C6orf141: variants seen among roughly 807,000 people sequenced by gnomAD.
C6orf141 encodes the protein uncharacterized protein C6orf141.
For missense variants in C6orf141, 361 were observed against 335.8 expected, an observed-to-expected ratio of 1.07 and a Z score of -0.59; for synonymous variants, 164 against 140.5, an observed-to-expected ratio of 1.17 and a Z score of -1.18.
chr6:49,556,939 A>G (rs947018856), downstream of C6orf141, among the ~76,000 whole-genome samples: 15 of 152,332 alleles, frequency 9.8e-5, no homozygotes, highest in Middle Eastern at 6.8e-3. Flanking sequence ...ACCAAATTCA[A>G]ACTTACATTT....
chr6:49,553,680 C>G (rs1374741995), downstream of C6orf141, among the ~76,000 whole-genome samples: 2 of 152,252 alleles, frequency 1.3e-5, no homozygotes, highest in Admixed American at 6.5e-5. Flanking sequence ...CTGGCTCTAC[C>G]TCTTTATTAA....
At position 49,551,238 on chromosome 6, in the gene C6orf141, G is replaced by C; in HGVS notation, c.446G>C (p.Arg149Pro). 6.4e-7 allele frequency: 1 copy of C among 1,551,604 alleles called. No individual in the cohort carries two copies. Among genetic ancestry groups the C allele is most frequent in the Middle Eastern group, 1.7e-4 (1 of 5,992 alleles). The change falls in exon 1 of 1, where the codon CGG (arginine) becomes CCG (proline). Residue 149 changes from arginine to proline, a missense_variant. Physicochemically the swap from Arg to Pro is moderately radical, Grantham distance 103. Coordinates refer to ENST00000529246, the MANE Select transcript of C6orf141 (RefSeq NM_001145652.2). ...TCTGGCAGGCGTGTAGCCCCGCCGC[G>C]GGACGCAGCAGACCCACCCAAATAC... ...RISGRRVAPPRDAADPPKYVL... is the reference protein window; with the variant it reads ...RISGRRVAPPPDAADPPKYVL...
At chr6:49,558,407 A>C (rs1383038659) in intron 4 of C6orf141, among the ~76,000 whole-genome samples, 1 of 141,170 alleles carries the variant, frequency 7.1e-6, no homozygotes, top group East Asian at 2.0e-4. Context: ...TGAGTTGGAA[A>C]AAAAAAAAAA....
At chr6:49,554,602 C>T (rs1443482595), downstream of C6orf141, among the ~76,000 whole-genome samples, 1 of 152,084 alleles carries the variant, frequency 6.6e-6, no homozygotes, top group African/African-American at 2.4e-5. Context: ...AGGATGATCT[C>T]GATCTCCTTG....
At chr6:49,555,550 C>T (rs1164993659), downstream of C6orf141, among the ~76,000 whole-genome samples, 2 of 135,426 alleles carry the variant, frequency 1.5e-5, no homozygotes, top group Admixed American at 1.7e-4. Flanking sequence ...GCTCTGTTGC[C>T]CAGGCTGGAG....
intron 4 of C6orf141, among the ~76,000 whole-genome samples, chr6:49,559,261 C>T (rs1772788146): frequency 7.8e-6 from 1 of 128,048 alleles, no homozygotes; most frequent in Non-Finnish European, 1.6e-5. Context: ...TTAGACCAAT[C>T]CTAAAGACAG....
intron 4 of C6orf141, among the ~76,000 whole-genome samples, chr6:49,561,129 T>A (rs140402290): frequency 6.6e-6 from 1 of 150,772 alleles, no homozygotes; most frequent in Non-Finnish European, 1.5e-5. Flanking sequence ...ACAGAGTCTT[T>A]CTCTGTCGCC....
downstream of C6orf141, among the ~76,000 whole-genome samples, chr6:49,556,250 C>T (rs1771912049): frequency 1.3e-5 from 2 of 152,164 alleles, no homozygotes; most frequent in Non-Finnish European, 2.9e-5. Flanking sequence ...CCTATTTTGT[C>T]ACTTACCAAA....
chr6:49,555,532 G>A (rs1440373259), downstream of C6orf141, among the ~76,000 whole-genome samples: 36 of 43,236 alleles, frequency 8.3e-4, no homozygotes, highest in African/African-American at 1.6e-3. Flanking sequence ...TTTTTGAGAC[G>A]GAGCCTCGCT....
intron 4 of C6orf141, among the ~76,000 whole-genome samples, chr6:49,558,843 G>A (rs927105855): frequency 2.6e-5 from 4 of 151,794 alleles, no homozygotes; most frequent in Non-Finnish European, 5.9e-5. Flanking sequence ...GAGTAGCTGG[G>A]ACTACAGGTG....
In C6orf141 at chr6:49,552,039, A is replaced by G. The variant is rs574482853; in HGVS notation, c.*512A>G. ...GACTCTCTTCTGATGTGCACTTTTCATTTTTCTCCCCCACATTTCAGTGTT... is the reference window on the plus strand; with the variant it reads ...GACTCTCTTCTGATGTGCACTTTTCGTTTTTCTCCCCCACATTTCAGTGTT... On this transcript the variant is annotated 3_prime_UTR_variant, in exon 1 of 1. Transcript: ENST00000529246. 29 of 707,076 alleles carry G rather than the reference A, an allele frequency of 4.1e-5. No homozygotes were observed. The Middle Eastern group carries it at 2.9e-3, about 70-fold the overall frequency. 43.8% of individuals were successfully genotyped at this position (707,076 alleles called of 1,614,324 possible).
Position 49,551,372 on chromosome 6 carries a change from A to G in C6orf141, c.580A>G (p.Thr194Ala). Residue 194 changes from threonine (T) to alanine (A), a missense_variant, in exon 1 of 1, where the codon ACT becomes GCT. Physicochemically the swap from Thr to Ala is moderately conservative, Grantham distance 58. Coordinates refer to ENST00000529246, the MANE Select transcript of C6orf141 (RefSeq NM_001145652.2). ...TGAGGAGCACTTCGTGACCGCGCTCACTTTTCGCAGCAGTAGAGAGGGACA... is the reference window on the plus strand; with the variant it reads ...TGAGGAGCACTTCGTGACCGCGCTCGCTTTTCGCAGCAGTAGAGAGGGACA... The part of the protein sequence containing the change: ...RTEEHFVTAL[T>A]FRSSREGQPG... The G allele has an allele frequency of 6.4e-7, 1 of 1,551,602 alleles. No homozygotes were observed. The highest frequency in any genetic ancestry group is 8.7e-7 in the Non-Finnish European group (1 of 1,146,968).
downstream of C6orf141, among the ~76,000 whole-genome samples, chr6:49,556,558 G>A (rs976242424): frequency 6.6e-6 from 1 of 152,108 alleles, no homozygotes; most frequent in Admixed American, 6.6e-5. Flanking sequence ...AAAAACTCCT[G>A]TAAAGGTGAA....
In C6orf141 at chr6:49,551,354, C is replaced by T. The variant is rs1561990500; in HGVS notation, c.562C>T (p.His188Tyr). The T allele has an allele frequency of 6.4e-7, 1 of 1,551,676 alleles. No individual in the cohort carries two copies. The highest frequency in any genetic ancestry group is 8.7e-7 in the Non-Finnish European group (1 of 1,146,986). Reference sequence around the variant, plus strand: ...TCGCATGACCACGAGGACTGAGGAGCACTTCGTGACCGCGCTCACTTTTCG... The same window carrying T: ...TCGCATGACCACGAGGACTGAGGAGTACTTCGTGACCGCGCTCACTTTTCG... Reference protein sequence around the residue: ...KGRMTTRTEEHFVTALTFRSS... With the variant: ...KGRMTTRTEEYFVTALTFRSS... Residue 188 changes from histidine (H) to tyrosine (Y), a missense_variant, in exon 1 of 1, where the codon CAC (histidine) becomes TAC (tyrosine). Transcript: ENST00000529246.
downstream of C6orf141, among the ~76,000 whole-genome samples, chr6:49,556,845 A>C (rs1772040737): frequency 6.6e-6 from 1 of 152,236 alleles, no homozygotes; most frequent in African/African-American, 2.4e-5. Flanking sequence ...GAGAGTAAGG[A>C]GTTATGATTG....
intron 4 of C6orf141, among the ~76,000 whole-genome samples, chr6:49,557,149 G>A (rs765230017): frequency 1.3e-5 from 2 of 152,150 alleles, no homozygotes; most frequent in Non-Finnish European, 2.9e-5. Context: ...CTACTCAGGA[G>A]GCTGAGGCAG....
At chr6:49,557,631 T>G (rs1041153229) in intron 4 of C6orf141, among the ~76,000 whole-genome samples, 1 of 152,156 alleles carries the variant, frequency 6.6e-6, no homozygotes, top group African/African-American at 2.4e-5. Context: ...GAGCCATTAC[T>G]GTGAAGTGTA....
intron 4 of C6orf141, among the ~76,000 whole-genome samples, chr6:49,561,116 G>A (rs889533776): frequency 2.1e-5 from 1 of 48,068 alleles, no homozygotes; most frequent in Non-Finnish European, 5.3e-5. Context: ...TTTTTTTTTT[G>A]AGACAGAGTC....
downstream of C6orf141, chr6:49,552,274 A>C (rs1770826151): frequency 6.6e-6 from 1 of 152,274 alleles, no homozygotes; most frequent in African/African-American, 2.4e-5. Context: ...GTAGTTTGCC[A>C]TAAAATGAAT....
Sources: allele counts gnomAD v4.1 joint callset (sites outside exome capture counted in the v4.1 genomes callset), GRCh38; gene constraint gnomAD v4.1.1; transcripts MANE v1.5; gene names NCBI Gene and HGNC (gene_info 2026-07-23, HGNC 2026-07-21).